Variants in DUS2 observed in about 807,000 individuals in gnomAD.
The protein encoded by DUS2 is dihydrouridine synthase 2, also known as tRNA-dihydrouridine(20) synthase [NAD(P)+]-like.
DUS2 carries 52 observed loss-of-function variants against 71.3 expected under a neutral mutation model. The observed-to-expected ratio is 0.73, with a 90% CI of 0.58 to 0.92. The LOEUF is 0.92. Among genes scored for constraint, DUS2 ranks in the 40% least tolerant of loss-of-function variants. The pLI is 0.00. For missense variants in DUS2, 558 were observed against 622.6 expected, an observed-to-expected ratio of 0.90 and a Z score of 1.10; for synonymous variants, 204 against 227.8, an observed-to-expected ratio of 0.90 and a Z score of 0.94.
chr16:68,057,741 C>T (rs1317538359), intron 7 of DUS2, among the ~76,000 whole-genome samples: 2 of 151,746 alleles, frequency 1.3e-5, no homozygotes, highest in Non-Finnish European at 2.9e-5. Context: ...ATTAGCTGGG[C>T]GTGGTGGTGT....
At chr16:68,040,904 G>A (rs956034687) in intron 3 of DUS2, among the ~76,000 whole-genome samples, 5 of 152,082 alleles carry the variant, frequency 3.3e-5, no homozygotes, top group South Asian at 2.1e-4. Context: ...ACAGGACCTC[G>A]TGCATATCAA....
intron 3 of DUS2, among the ~76,000 whole-genome samples, chr16:68,039,573 C>G (rs995526843): frequency 6.6e-6 from 1 of 152,116 alleles, no homozygotes; most frequent in African/African-American, 2.4e-5. Flanking sequence ...CGTCCGCCAC[C>G]ACGCCTGGCT....
At chr16:68,032,727 T>C (rs2033457785) in intron 2 of DUS2, among the ~76,000 whole-genome samples, 1 of 149,244 alleles carries the variant, frequency 6.7e-6, no homozygotes, top group East Asian at 2.0e-4. Flanking sequence ...CCCAGCTCTT[T>C]GGAAGGCCAA....
chr16:68,074,127 C>T lies in DUS2; in HGVS notation c.904C>T (p.His302Tyr). The T allele has an allele frequency of 6.2e-7, 1 of 1,614,172 alleles. No individual in the cohort carries two copies. The highest frequency in any genetic ancestry group is 8.5e-7 in the Non-Finnish European group (1 of 1,180,016). Residue 302 changes from histidine to tyrosine, a missense_variant, in exon 13 of 17, where the codon CAT (histidine) becomes TAT (tyrosine). Transcript: ENST00000565263. ...GGAGTCGCCCCAGGGAAGGTTGCTCCATGCTGCCCAGTCTTCCCGGGAAAT... is the reference window on the plus strand; with the variant it reads ...GGAGTCGCCCCAGGGAAGGTTGCTCTATGCTGCCCAGTCTTCCCGGGAAAT... ...QLESPQGRLL[H>Y]AAQSSREICE... is the part of the protein sequence containing the mutation.
intron 10 of DUS2, among the ~76,000 whole-genome samples, chr16:68,069,447 G>A (rs1430857525): frequency 1.3e-5 from 2 of 152,136 alleles, no homozygotes; most frequent in Admixed American, 1.3e-4. Context: ...GCTGGACAAG[G>A]GCTATCTGGT....
intron 14 of DUS2, 56 bp downstream of exon 14, chr16:68,075,560 C>G: frequency 6.5e-7 from 1 of 1,539,852 alleles, no homozygotes; most frequent in Non-Finnish European, 8.8e-7. Flanking sequence ...TGGGGTCCCA[C>G]TGGGCCAGCA....
chr16:68,040,401 C>G (rs1251331284), intron 3 of DUS2, among the ~76,000 whole-genome samples: 1 of 151,998 alleles, frequency 6.6e-6, no homozygotes, highest in Non-Finnish European at 1.5e-5. Context: ...GTTTTCAAGC[C>G]CTTTGGAAGT....
chr16:68,073,896 G>A (rs2034120610), intron 12 of DUS2, 138 bp from the exon 13 acceptor site: 1 of 1,069,598 alleles, frequency 9.3e-7, no homozygotes, highest in Non-Finnish European at 1.3e-6. Flanking sequence ...GCCAGTGGTG[G>A]TTCTTCTTAT....
rs1397309120 is a variant in DUS2, at chr16:68,078,817, A to G, written c.1313A>G (p.Glu438Gly). Reference protein sequence around the residue: ...IVCLRSQGLPEGRLGEESPSL... With the variant: ...IVCLRSQGLPGGRLGEESPSL... ...TGTCTGCGGAGCCAGGGCCTCCCTG[A>G]GGGTCGGCTGGGTGAGGAGAGCCCT... Residue 438 changes from glutamate to glycine, a missense_variant, in exon 17 of 17, where the codon GAG (glutamate) becomes GGG (glycine). Transcript: ENST00000565263. 1 of 1,613,352 alleles carries G rather than the reference A, an allele frequency of 6.2e-7. No individual in the cohort carries two copies. Among genetic ancestry groups the G allele is most frequent in the Non-Finnish European group, 8.5e-7 (1 of 1,179,684 alleles).
intron 11 of DUS2, 87 bp downstream of exon 11, chr16:68,070,307 A>T (rs756602691): frequency 6.4e-5 from 84 of 1,321,930 alleles, no homozygotes; most frequent in Middle Eastern, 5.5e-4. Flanking sequence ...CTAGAGTGAA[A>T]AGTTTTAGGG....
chr16:68,070,308 A>G, intron 11 of DUS2, 88 bp downstream of exon 11: 1 of 1,312,636 alleles, frequency 7.6e-7, no homozygotes, highest in South Asian at 1.2e-5. Context: ...TAGAGTGAAA[A>G]GTTTTAGGGG....
chr16:68,041,102 A>G (rs1261295660), intron 3 of DUS2, among the ~76,000 whole-genome samples: 1 of 152,184 alleles, frequency 6.6e-6, no homozygotes, highest in Non-Finnish European at 1.5e-5. Flanking sequence ...GCGGTGGTGC[A>G]CACCTGTAGT....
At chr16:68,032,721 G>C (rs575069632) in intron 2 of DUS2, among the ~76,000 whole-genome samples, 3 of 150,844 alleles carry the variant, frequency 2.0e-5, no homozygotes, top group Non-Finnish European at 4.4e-5. Context: ...TGTAATCCCA[G>C]CTCTTTGGAA....
In DUS2 at chr16:68,070,113, C is replaced by T. The variant is rs201942048; in HGVS notation, c.555-21C>T. The T allele has an allele frequency of 9.9e-4, 1,588 of 1,611,416 alleles. 4 individuals are homozygous for T. The highest frequency in any genetic ancestry group is 1.1e-3 in the Non-Finnish European group (1,289 of 1,177,612). ...GTGGCTTTTGGTGCTTAGCCCTCAG[C>T]CCCATCTTTCTATCTCCAAGGAAGC... On this transcript the variant is annotated intron_variant, in intron 10 of 16. Transcript: ENST00000565263.
chr16:68,026,210 C>T (rs929470939), intron 2 of DUS2, among the ~76,000 whole-genome samples: 6 of 152,092 alleles, frequency 3.9e-5, no homozygotes, highest in East Asian at 1.9e-4. Flanking sequence ...AGGCTGATCT[C>T]GAACTCCTGA....
intron 3 of DUS2, among the ~76,000 whole-genome samples, chr16:68,044,641 G>A (rs2033675948): frequency 1.3e-5 from 2 of 151,704 alleles, no homozygotes; most frequent in South Asian, 2.1e-4. Context: ...AAAGTGATCC[G>A]CCTGCCTAGG....
chr16:68,073,449 C>CTTTTTT (rs1213508148), intron 12 of DUS2, among the ~76,000 whole-genome samples: 9 of 111,840 alleles, frequency 8.0e-5, no homozygotes, highest in East Asian at 2.5e-4. Flanking sequence ...TTTTCTTTTT[C>CTTTTTT]TTTTTTTTTT....
intron 2 of DUS2, 183 bp from the exon 3 acceptor site, chr16:68,037,823 C>G: frequency 1.8e-6 from 1 of 545,680 alleles, no homozygotes; most frequent in Non-Finnish European, 3.1e-6. Context: ...CTACACTGCA[C>G]TCCAGCCTGG....
chr16:68,055,463 A>G (rs187821927), intron 6 of DUS2, among the ~76,000 whole-genome samples: 1 of 152,284 alleles, frequency 6.6e-6, no homozygotes, highest in Admixed American at 6.5e-5. Flanking sequence ...CAAGAACAAA[A>G]ACAAAGGCAG....
Sources: allele counts gnomAD v4.1 joint callset (sites outside exome capture counted in the v4.1 genomes callset), GRCh38; gene constraint gnomAD v4.1.1; transcripts MANE v1.5; gene names NCBI Gene and HGNC (gene_info 2026-07-23, HGNC 2026-07-21).